The following VIPR2 variants were observed in gnomAD, a reference collection of about 807,000 sequenced individuals.
VIPR2 encodes the protein vasoactive intestinal peptide receptor 2, also known as vasoactive intestinal polypeptide receptor 2.
In VIPR2, 48 loss-of-function variants were observed where a neutral mutation model predicts 58.0. The ratio of observed to expected loss-of-function variants is 0.83; its 90% CI spans 0.66 to 1.05. The LOEUF is 1.05. Ranked by LOEUF, VIPR2 falls within the 50% of genes least tolerant of loss-of-function variation. VIPR2 has a pLI of 0.00. For missense variants in VIPR2, 534 were observed against 558.0 expected (o/e 0.96, Z 0.43); for synonymous variants, 243 against 235.2 (o/e 1.03, Z -0.30).
intron 5 of VIPR2, among the ~76,000 whole-genome samples, chr7:159,056,140 G>A (rs1418810853): frequency 1.3e-5 from 2 of 152,176 alleles, no homozygotes; most frequent in Non-Finnish European, 2.9e-5. Context: ...ACCTGATGAT[G>A]TTAACATCTG....
rs985546207 is a variant in VIPR2, at chr7:159,099,848, T to G, written c.357+3909A>C. On this transcript the variant is annotated intron_variant, in intron 4 of 12. Transcript: ENST00000262178. The surrounding 1 kb of genome is among the most constrained non-coding windows in gnomAD (Gnocchi z 4.2). ...AGCCTGGGGCAGATGGTATTATCAC[T>G]GCTGTGATCTCACACACCAGAGCCG... Among the ~76,000 whole-genome samples the G allele has an allele frequency of 6.6e-6, 1 of 152,110 alleles. No individual in the cohort carries two copies. Among genetic ancestry groups the G allele is most frequent in the African/African-American group, 2.4e-5 (1 of 41,418 alleles).
At chr7:159,061,695 C>T (rs1279347172) in intron 4 of VIPR2, among the ~76,000 whole-genome samples, 1 of 152,162 alleles carries the variant, frequency 6.6e-6, no homozygotes, top group African/African-American at 2.4e-5. Context: ...AAAAATAATC[C>T]ATACTTCCAC....
At chr7:159,036,653 T>C in intron 7 of VIPR2, 99 bp downstream of exon 7, 2 of 1,435,044 alleles carry the variant, frequency 1.4e-6, no homozygotes, top group Non-Finnish European at 1.9e-6. Flanking sequence ...ACATGCATTC[T>C]ACGGGGGCGG....
chr7:159,129,015 A>G (rs976498244), intron 2 of VIPR2, among the ~76,000 whole-genome samples: 1 of 152,240 alleles, frequency 6.6e-6, no homozygotes, highest in African/African-American at 2.4e-5. Flanking sequence ...TTTTGGTGCC[A>G]GGAGACGTGG....
chr7:159,063,982 C>T (rs1855925465), intron 4 of VIPR2, among the ~76,000 whole-genome samples: 1 of 151,218 alleles, frequency 6.6e-6, no homozygotes, highest in South Asian at 2.1e-4. Flanking sequence ...ACCCGGTGCT[C>T]ACACCGGGCT....
At position 159,097,937 on chromosome 7, in the gene VIPR2, C is replaced by G. The variant is rs1387628941; in HGVS notation, c.357+5820G>C. Among the ~76,000 whole-genome samples the G allele has an allele frequency of 6.6e-6, 1 of 152,158 alleles. No homozygotes were observed. The highest frequency in any genetic ancestry group is 1.9e-4 in the East Asian group (1 of 5,162). ...TTCCAGGCTCTGACTCCAACTGGCACCAGCTGGGAACGTGCTGGAAAGGCA... is the reference window on the plus strand; with the variant it reads ...TTCCAGGCTCTGACTCCAACTGGCAGCAGCTGGGAACGTGCTGGAAAGGCA... On this transcript the variant is annotated intron_variant, in intron 4 of 12. Transcript: ENST00000262178. The surrounding 1 kb of genome is among the most constrained non-coding windows in gnomAD (Gnocchi z 5.3).
rs1307939844 is a variant in VIPR2, at chr7:159,107,648, G to T, written c.259+2164C>A. ...GCTGCCCGCTGCTTCTGGAACCGCT[G>T]CAGGGCAGGGTTAGGACCTGAAGGA... On this transcript the variant is annotated intron_variant, in intron 3 of 12. Transcript: ENST00000262178. 2.6e-5 allele frequency among the ~76,000 whole-genome samples: 4 copies of T among 152,002 alleles called. 1 individual carries two copies. In the East Asian group the frequency reaches 7.7e-4, roughly 29 times the overall value.
intron 6 of VIPR2, among the ~76,000 whole-genome samples, chr7:159,041,188 C>T (rs967691245): frequency 7.2e-5 from 11 of 152,246 alleles, no homozygotes; most frequent in Non-Finnish European, 1.0e-4. Flanking sequence ...AGAAACAGCC[C>T]GGCATTTACA....
intron 3 of VIPR2, among the ~76,000 whole-genome samples, chr7:159,106,783 T>TAG (rs1563334018): frequency 2.1e-5 from 1 of 48,450 alleles, no homozygotes. Flanking sequence ...GCCGGGGAGG[T>TAG]AGAGAGAGAG....
intron 2 of VIPR2, among the ~76,000 whole-genome samples, chr7:159,140,205 A>T (rs1037702606): frequency 1.3e-5 from 2 of 152,044 alleles, no homozygotes; most frequent in African/African-American, 4.8e-5. Flanking sequence ...CTTTCACACA[A>T]ATTTCTTAAT....
chr7:159,046,722 T>TC (rs1374375779), intron 5 of VIPR2, among the ~76,000 whole-genome samples: 2 of 152,062 alleles, frequency 1.3e-5, no homozygotes, highest in African/African-American at 4.8e-5. Flanking sequence ...AAATCCACCC[T>TC]CCCCCTCAAA....
At chr7:159,069,682 A>G (rs1390023292) in intron 4 of VIPR2, among the ~76,000 whole-genome samples, 7 of 151,930 alleles carry the variant, frequency 4.6e-5, no homozygotes, top group Admixed American at 4.6e-4. Context: ...CTGGTCCAGA[A>G]CCCTCTTTGC....
intron 4 of VIPR2, among the ~76,000 whole-genome samples, chr7:159,063,312 T>A (rs1371885282): frequency 1.3e-5 from 2 of 152,054 alleles, no homozygotes; most frequent in African/African-American, 4.8e-5. Context: ...CCCGCGAGAA[T>A]TCGAGCACAC....
chr7:159,100,712 A>G (rs1296029223), intron 4 of VIPR2, among the ~76,000 whole-genome samples: 1 of 152,222 alleles, frequency 6.6e-6, no homozygotes. Context: ...GTGGTAGTGA[A>G]CGGGTCTCAC....
intron 4 of VIPR2, among the ~76,000 whole-genome samples, chr7:159,076,908 A>G (rs2129494771): frequency 6.6e-6 from 1 of 152,352 alleles, no homozygotes; most frequent in South Asian, 2.1e-4. Flanking sequence ...TCTCCATTTT[A>G]CAAAATTGTG....
chr7:159,092,378 C>T (rs983321567), intron 4 of VIPR2, among the ~76,000 whole-genome samples: 5 of 152,184 alleles, frequency 3.3e-5, no homozygotes, highest in Non-Finnish European at 7.3e-5. Context: ...GAGGGGACAG[C>T]GACCTGAGTA....
In VIPR2 at chr7:159,030,663, C is replaced by T. The variant is rs934894617; in HGVS notation, c.1270G>A (p.Gly424Ser). ...GSEGALQFHR[G>S]SRAQSFLQTE... is the part of the protein sequence containing the mutation. The stretch of plus-strand genomic sequence containing the variant: ...TGCAGGAAGGACTGGGCGCGGGAGC[C>T]GCGGTGGAACTGCAGGGCGCCCTCC... The change falls in exon 13 of 13, where the codon GGC (glycine) becomes AGC (serine). Residue 424 changes from glycine to serine, a missense_variant. Physicochemically the swap from Gly to Ser is moderately conservative, Grantham distance 56 (BLOSUM62 0). This residue lies in a region of VIPR2 where 306 missense variants were observed against 285.8 expected (regional missense o/e 1.07). Transcript: ENST00000262178. 1.3e-6 allele frequency: 2 copies of T among 1,561,488 alleles called. No homozygotes were observed. Among genetic ancestry groups the T allele is most frequent in the East Asian group, 2.4e-5 (1 of 41,990 alleles).
intron 4 of VIPR2, among the ~76,000 whole-genome samples, chr7:159,063,656 C>T (rs555219653): frequency 1.2e-4 from 17 of 146,236 alleles, no homozygotes; most frequent in Non-Finnish European, 1.9e-4. Flanking sequence ...CAAGAGCGAG[C>T]GAGGGCTGCC....
intron 5 of VIPR2, among the ~76,000 whole-genome samples, chr7:159,056,508 C>T (rs1855336801): frequency 6.6e-6 from 1 of 152,140 alleles, no homozygotes; most frequent in Admixed American, 6.5e-5. Flanking sequence ...CTGGAACCGT[C>T]TCTGTCAGTC....
Sources: allele counts gnomAD v4.1 joint callset (sites outside exome capture counted in the v4.1 genomes callset), GRCh38; gene constraint gnomAD v4.1.1; regional missense constraint gnomAD v4.1.1; non-coding constraint Gnocchi (gnomAD v3.1); transcripts MANE v1.5; gene names NCBI Gene and HGNC (gene_info 2026-07-23, HGNC 2026-07-21).